KLHL20: variants seen among roughly 807,000 people sequenced by gnomAD.
The protein encoded by KLHL20 is kelch-like protein 20.
A neutral mutation model predicts 69.5 loss-of-function variants in KLHL20; 29 were observed. That is an observed-to-expected ratio of 0.42 (90% confidence interval 0.31 to 0.57). The LOEUF (loss-of-function observed/expected upper bound fraction) is 0.57. Among genes scored for constraint, KLHL20 ranks in the 20% least tolerant of loss-of-function variants. KLHL20 has a pLI of 0.18. For missense variants in KLHL20, 419 were observed against 776.0 expected (o/e 0.54, Z 5.47); for synonymous variants, 253 against 265.2 (o/e 0.95, Z 0.45).
In KLHL20 at chr1:173,775,803, G is replaced by C. The variant is rs758080447; in HGVS notation, c.1599G>C (p.Gln533His). 3 of 1,614,066 alleles carry C rather than the reference G, an allele frequency of 1.9e-6. No individual in the cohort carries two copies. In the African/African-American group the frequency reaches 4.0e-5, roughly 22 times the overall value. The change falls in exon 10 of 12, where the codon CAG becomes CAC. Residue 533 changes from glutamine to histidine, a missense_variant. Transcript: ENST00000209884. ...AGAGATACAACCCCAGAACCAACCA[G>C]TGGTCTCCAGTGGTGGCCATGACAT... ...SAERYNPRTN[Q>H]WSPVVAMTSR... is the part of the protein sequence containing the mutation.
At chr1:173,768,804 A>T (rs1057327347) in intron 8 of KLHL20, among the ~76,000 whole-genome samples, 3 of 152,222 alleles carry the variant, frequency 2.0e-5, no homozygotes, top group African/African-American at 7.2e-5. Flanking sequence ...ACACAAAACT[A>T]AGGGAAAGAA....
At chr1:173,729,585 A>G (rs1286056896) in intron 2 of KLHL20, among the ~76,000 whole-genome samples, 1 of 152,200 alleles carries the variant, frequency 6.6e-6, no homozygotes, top group Non-Finnish European at 1.5e-5. Context: ...AAATCAATAA[A>G]CATAATCAGT....
At chr1:173,778,273 G>C (rs966551414) in intron 10 of KLHL20, among the ~76,000 whole-genome samples, 1 of 151,412 alleles carries the variant, frequency 6.6e-6, no homozygotes, top group Non-Finnish European at 1.5e-5. Flanking sequence ...CTGTGTCTAA[G>C]TGATGTCATT....
chr1:173,724,172 ATTT>A (rs375714592), intron 2 of KLHL20, among the ~76,000 whole-genome samples: 3 of 134,210 alleles, frequency 2.2e-5, no homozygotes, highest in Non-Finnish European at 3.3e-5. Context: ...TGTTTTGGGG[ATTT>A]TTTTTTTTTT....
At chr1:173,719,064 C>T (rs1671596883) in intron 2 of KLHL20, among the ~76,000 whole-genome samples, 1 of 136,348 alleles carries the variant, frequency 7.3e-6, no homozygotes, top group Non-Finnish European at 1.5e-5. Flanking sequence ...GAGATTGCGC[C>T]ACTGCAATCC....
chr1:173,743,452 A>G (rs1464909071), intron 3 of KLHL20, among the ~76,000 whole-genome samples: 1 of 151,356 alleles, frequency 6.6e-6, no homozygotes, highest in Admixed American at 6.6e-5. Context: ...GAATTCTCCT[A>G]TACTCCTTTT....
At chr1:173,758,265 T>A in intron 7 of KLHL20, among the ~76,000 whole-genome samples, 1 of 148,986 alleles carries the variant, frequency 6.7e-6, no homozygotes. Context: ...AGCAAGACTC[T>A]CTCAAAAAAA....
intron 11 of KLHL20, 111 bp from the exon 12 acceptor site, chr1:173,785,052 T>G: frequency 1.3e-6 from 1 of 781,968 alleles, no homozygotes; most frequent in Non-Finnish European, 2.0e-6. Context: ...AAATATTAGT[T>G]GTAATATAAA....
chr1:173,786,383 T>C lies in KLHL20; in HGVS notation c.*1136T>C, dbSNP rs990430915. 7.9e-5 allele frequency: 12 copies of C among 152,644 alleles called. No homozygotes were observed. Among genetic ancestry groups the C allele is most frequent in the African/African-American group, 2.7e-4 (11 of 41,456 alleles). The allele number at this position is 152,644 out of a possible 1,614,324, so 9.5% of individuals were successfully genotyped here. The stretch of plus-strand genomic sequence containing the variant: ...GCACTTTCTGGTAAAAAGTTAAAAA[T>C]TTTTAAGGAAAAAATAATTTCAATG... On this transcript the variant is annotated 3_prime_UTR_variant, in exon 12 of 12. Transcript: ENST00000209884.
Position 173,716,010 on chromosome 1 carries a change from T to G in KLHL20, c.-34T>G, listed in dbSNP as rs1671454764. On this transcript the variant is annotated 5_prime_UTR_variant, in exon 2 of 12. Coordinates refer to ENST00000209884, the MANE Select transcript of KLHL20 (RefSeq NM_014458.4). Reference sequence around the variant, plus strand: ...GCTTTTCTGTTGTCTTAGGTTCGGCTTTAGAGTGTGGTGAAGGGTACTTTT... The same window carrying G: ...GCTTTTCTGTTGTCTTAGGTTCGGCGTTAGAGTGTGGTGAAGGGTACTTTT... 3 of 1,611,646 alleles carry G rather than the reference T, an allele frequency of 1.9e-6. No homozygotes were observed. Among genetic ancestry groups the G allele is most frequent in the Non-Finnish European group, 2.5e-6 (3 of 1,178,492 alleles).
At chr1:173,736,000 A>G (rs59175258) in intron 3 of KLHL20, among the ~76,000 whole-genome samples, 8,839 of 141,554 alleles carry the variant, frequency 0.062, 946 homozygotes, top group African/African-American at 0.22. Flanking sequence ...GCTGGAGTGC[A>G]ACGGGGCTCA....
chr1:173,748,254 A>G (rs1448470923), intron 3 of KLHL20, among the ~76,000 whole-genome samples: 3 of 152,118 alleles, frequency 2.0e-5, no homozygotes, highest in Non-Finnish European at 4.4e-5. Flanking sequence ...ATCCTATGCA[A>G]AGTCTTTCAG....
rs200654059 is a variant in KLHL20, at chr1:173,782,917, T to TA, written c.1745+690dup. Among the ~76,000 whole-genome samples the TA allele has an allele frequency of 5.0e-4, 76 of 152,332 alleles. 1 individual carries two copies. In the East Asian group the frequency reaches 0.014, roughly 29 times the overall value. The stretch of plus-strand genomic sequence containing the variant: ...CTTTACAAACTTAGCAAAATTCTCT[T>TA]AAACCTTTAAACTTAAAATAATTAA... On this transcript the variant is annotated intron_variant, in intron 11 of 11. Transcript: ENST00000209884.
intron 7 of KLHL20, among the ~76,000 whole-genome samples, chr1:173,764,420 TAC>T (rs373961664): frequency 1.6e-3 from 241 of 147,928 alleles, no homozygotes; most frequent in Middle Eastern, 0.01. Flanking sequence ...AAGATACTTG[TAC>T]ACACATGTTT....
At chr1:173,736,536 C>T (rs1487077851) in intron 3 of KLHL20, among the ~76,000 whole-genome samples, 1 of 151,946 alleles carries the variant, frequency 6.6e-6, no homozygotes, top group African/African-American at 2.4e-5. Context: ...TTGCACTAGT[C>T]CACATTCCCA....
At chr1:173,773,929 C>T (rs538481962) in intron 8 of KLHL20, among the ~76,000 whole-genome samples, 2 of 150,024 alleles carry the variant, frequency 1.3e-5, no homozygotes, top group African/African-American at 4.9e-5. Flanking sequence ...AGGAGAATGG[C>T]GTGAACCCAG....
intron 7 of KLHL20, among the ~76,000 whole-genome samples, chr1:173,762,137 T>C (rs1647345337): frequency 6.6e-6 from 1 of 152,074 alleles, no homozygotes; most frequent in Non-Finnish European, 1.5e-5. Context: ...ATGAATAAAT[T>C]ACTGGAAAAA....
chr1:173,747,905 A>G (rs1400419588), intron 3 of KLHL20, among the ~76,000 whole-genome samples: 1 of 151,494 alleles, frequency 6.6e-6, no homozygotes, highest in African/African-American at 2.4e-5. Flanking sequence ...AAAAAAAAAA[A>G]TGATGAAACT....
intron 2 of KLHL20, among the ~76,000 whole-genome samples, chr1:173,729,042 A>T (rs1483284958): frequency 1.3e-5 from 2 of 152,204 alleles, no homozygotes; most frequent in Non-Finnish European, 2.9e-5. Flanking sequence ...GATAAAGGGG[A>T]TATCACCACC....
Sources: allele counts gnomAD v4.1 joint callset (sites outside exome capture counted in the v4.1 genomes callset), GRCh38; gene constraint gnomAD v4.1.1; transcripts MANE v1.5; gene names NCBI Gene and HGNC (gene_info 2026-07-23, HGNC 2026-07-21).